Variants in YPEL2 observed in about 807,000 individuals in gnomAD.
YPEL2 encodes yippee like 2, also known as protein yippee-like 2.
A neutral mutation model predicts 19.1 loss-of-function variants in YPEL2; 2 were observed. That is an observed-to-expected ratio of 0.10 (90% confidence interval 0.04 to 0.33). The LOEUF is 0.33. Ranked by LOEUF, YPEL2 falls within the 10% of genes least tolerant of loss-of-function variation. The probability of loss-of-function intolerance (pLI) is 1.00; values close to 1 mark genes in which losing one functional copy is unlikely to be tolerated. For synonymous variants in YPEL2, 52 were observed against 50.0 expected (o/e 1.04, Z -0.17); for missense variants, 66 against 140.7 (o/e 0.47, Z 2.68).
intron 1 of YPEL2, among the ~76,000 whole-genome samples, chr17:59,346,495 A>G (rs1477522637): frequency 6.6e-6 from 1 of 152,114 alleles, no homozygotes; most frequent in African/African-American, 2.4e-5. Flanking sequence ...CTCGGGACGC[A>G]GAGTAAGTTC....
chr17:59,356,680 A>C (rs1157937380), intron 2 of YPEL2, among the ~76,000 whole-genome samples: 1 of 152,226 alleles, frequency 6.6e-6, no homozygotes, highest in Non-Finnish European at 1.5e-5. Context: ...GCCATAGACT[A>C]GTTAGCTTAT....
At chr17:59,361,181 A>G (rs1438997047) in intron 2 of YPEL2, among the ~76,000 whole-genome samples, 2 of 152,172 alleles carry the variant, frequency 1.3e-5, no homozygotes, top group Non-Finnish European at 2.9e-5. Context: ...CATTTTAACT[A>G]TATCTGAAGA....
intron 2 of YPEL2, among the ~76,000 whole-genome samples, chr17:59,376,598 C>T (rs959454691): frequency 6.6e-6 from 1 of 152,142 alleles, no homozygotes; most frequent in Non-Finnish European, 1.5e-5. Context: ...AATGATTATA[C>T]CCACCTGGTT....
At chr17:59,362,113 G>A (rs1043156344) in intron 2 of YPEL2, among the ~76,000 whole-genome samples, 1 of 152,204 alleles carries the variant, frequency 6.6e-6, no homozygotes. Context: ...TAGTGCTGCT[G>A]TGGTGTGGTA....
chr17:59,383,276 ATAGTC>A (rs1010504188), intron 2 of YPEL2, among the ~76,000 whole-genome samples: 1 of 151,950 alleles, frequency 6.6e-6, no homozygotes, highest in Admixed American at 6.6e-5. Flanking sequence ...TTGGAGTCTT[ATAGTC>A]TATTTAGTCT....
intron 4 of YPEL2, among the ~76,000 whole-genome samples, chr17:59,390,141 C>G (rs1158973948): frequency 6.6e-6 from 1 of 152,088 alleles, no homozygotes; most frequent in East Asian, 1.9e-4. Flanking sequence ...GCTGGGATTA[C>G]AGGCACGCGT....
intron 2 of YPEL2, chr17:59,354,849 T>G (rs1168144498): frequency 6.6e-6 from 1 of 152,264 alleles, no homozygotes; most frequent in Non-Finnish European, 1.5e-5. Flanking sequence ...CTTCGAATTT[T>G]GGGGAACCCC....
At position 59,371,505 on chromosome 17, in the gene YPEL2, T is replaced by A. The variant is rs145244615; in HGVS notation, c.118-16822T>A. ...TGTAAGTGTTGAGAGGCAAGCAAAC[T>A]CTGTGTTTGTGTGAGCTGGAGAATG... On this transcript the variant is annotated intron_variant, in intron 2 of 4. Coordinates refer to ENST00000312655, the MANE Select transcript of YPEL2 (RefSeq NM_001005404.4). Among the ~76,000 whole-genome samples the A allele has an allele frequency of 2.0e-5, 3 of 152,292 alleles. No individual in the cohort carries two copies. The East Asian group carries it at 5.8e-4, about 29-fold the overall frequency.
At chr17:59,357,980 C>T (rs908303691) in intron 2 of YPEL2, among the ~76,000 whole-genome samples, 1 of 152,138 alleles carries the variant, frequency 6.6e-6, no homozygotes, top group African/African-American at 2.4e-5. Context: ...AAACTATTTA[C>T]GCTATTGTTA....
intron 2 of YPEL2, among the ~76,000 whole-genome samples, chr17:59,387,612 G>T (rs1370602566): frequency 6.6e-6 from 1 of 152,154 alleles, no homozygotes; most frequent in Non-Finnish European, 1.5e-5. Context: ...TGCATGGCAG[G>T]CTCTGGCTCC....
chr17:59,372,220 TG>T (rs1408568068), intron 2 of YPEL2, among the ~76,000 whole-genome samples: 2 of 152,356 alleles, frequency 1.3e-5, no homozygotes, highest in East Asian at 3.9e-4. Flanking sequence ...GGAATAACCC[TG>T]GCCTCTGAAT....
Position 59,400,593 on chromosome 17 carries a change from C to T in YPEL2, c.*3403C>T, listed in dbSNP as rs1037412156. 3.3e-5 allele frequency: 5 copies of T among 152,240 alleles called. No homozygotes were observed. Among genetic ancestry groups the T allele is most frequent in the Admixed American group, 2.6e-4 (4 of 15,214 alleles). 9.4% of individuals were successfully genotyped at this position (152,240 alleles called of 1,614,324 possible). On this transcript the variant is annotated 3_prime_UTR_variant, in exon 5 of 5. Coordinates refer to ENST00000312655, the MANE Select transcript of YPEL2 (RefSeq NM_001005404.4). ...GGAACAGACTCTGCAGTACATTAAT[C>T]AGGTTGAGAATTGAAATATTTTCTT...
chr17:59,392,446 A>G (rs1423483033), intron 4 of YPEL2, among the ~76,000 whole-genome samples: 4 of 151,460 alleles, frequency 2.6e-5, no homozygotes, highest in Non-Finnish European at 1.5e-5. Flanking sequence ...ACAGCACAGC[A>G]GGGAAACACC....
At position 59,353,138 on chromosome 17, in the gene YPEL2, G is replaced by A. The variant is rs773740368; in HGVS notation, c.-195-77G>A. Reference sequence around the variant, plus strand: ...TGTCAGTGTTGCCTTCTTCATGGGTGGCAGTTGGATTCTGCTTGCTTTGTA... The same window carrying A: ...TGTCAGTGTTGCCTTCTTCATGGGTAGCAGTTGGATTCTGCTTGCTTTGTA... On this transcript the variant is annotated intron_variant, in intron 1 of 4. Transcript: ENST00000312655. This position sits in a 1 kb window ranked among gnomAD's most constrained non-coding sequence, Gnocchi z 4.8. The A allele has an allele frequency of 1.3e-5, 4 of 297,778 alleles. No individual in the cohort carries two copies. The highest frequency in any genetic ancestry group is 9.1e-4 in the Middle Eastern group (1 of 1,100). The allele number at this position is 297,778 out of a possible 1,614,324, so 18.4% of individuals were successfully genotyped here.
intron 2 of YPEL2, among the ~76,000 whole-genome samples, chr17:59,367,800 C>A (rs941662579): frequency 1.3e-5 from 2 of 152,180 alleles, no homozygotes; most frequent in East Asian, 3.8e-4. Flanking sequence ...CAGGTTCCCA[C>A]CATAGGTTAC....
At chr17:59,367,948 C>G (rs545646604) in intron 2 of YPEL2, among the ~76,000 whole-genome samples, 1 of 152,282 alleles carries the variant, frequency 6.6e-6, no homozygotes, top group African/African-American at 2.4e-5. Flanking sequence ...ACCTCTGCTC[C>G]AGACCTGGCT....
At chr17:59,349,386 C>G (rs750833641) in intron 1 of YPEL2, among the ~76,000 whole-genome samples, 5 of 123,408 alleles carry the variant, frequency 4.1e-5, no homozygotes, top group Non-Finnish European at 8.0e-5. Flanking sequence ...TTTGTTGAGA[C>G]GGAGTCTCGC....
At chr17:59,381,597 C>T (rs748467258) in intron 2 of YPEL2, among the ~76,000 whole-genome samples, 3 of 152,138 alleles carry the variant, frequency 2.0e-5, no homozygotes, top group Non-Finnish European at 4.4e-5. Context: ...TCCAGACTTG[C>T]AAAGGGGCCC....
intron 2 of YPEL2, among the ~76,000 whole-genome samples, chr17:59,380,117 C>A (rs1461234556): frequency 6.6e-6 from 1 of 150,752 alleles, no homozygotes; most frequent in Non-Finnish European, 1.5e-5. Context: ...GCCTCAGGCT[C>A]CCAAAGTGCT....
Sources: gnomAD v4.1 joint callset for allele counts (sites outside exome capture counted in the v4.1 genomes callset) on GRCh38, gnomAD v4.1.1 for gene constraint, Gnocchi (gnomAD v3.1) non-coding constraint, MANE v1.5 for transcripts, NCBI Gene and HGNC (gene_info 2026-07-23, HGNC 2026-07-21) for gene names.